Variants in TAF4B observed in about 807,000 individuals in gnomAD.
TAF4B encodes the protein TATA-box binding protein associated factor 4b, also known as transcription initiation factor TFIID subunit 4B.
Under a neutral mutation model 86.4 loss-of-function variants are expected in TAF4B, and 38 were observed. That is an observed-to-expected ratio of 0.44 (90% CI 0.34 to 0.58). TAF4B has a LOEUF of 0.58. Among genes scored for constraint, TAF4B ranks in the 20% least tolerant of loss-of-function variants. TAF4B has a pLI of 0.02. For missense variants in TAF4B, 988 were observed against 1,027.6 expected, an observed-to-expected ratio of 0.96 and a Z score of 0.53; for synonymous variants, 388 against 391.2, an observed-to-expected ratio of 0.99 and a Z score of 0.10.
At chr18:26,240,460 C>T (rs1290994883) in intron 1 of TAF4B, among the ~76,000 whole-genome samples, 1 of 152,180 alleles carries the variant, frequency 6.6e-6, no homozygotes, top group Admixed American at 6.5e-5. Flanking sequence ...GCTGAAGTTG[C>T]TTGTCAGCTT....
chr18:26,355,785 A>C (rs1424020037), intron 13 of TAF4B, among the ~76,000 whole-genome samples: 1 of 152,206 alleles, frequency 6.6e-6, no homozygotes, highest in Non-Finnish European at 1.5e-5. Context: ...TGCAGGGTAG[A>C]TTAACTAAAA....
intron 13 of TAF4B, 56 bp downstream of exon 13, chr18:26,335,287 C>G: frequency 1.4e-6 from 2 of 1,478,766 alleles, no homozygotes; most frequent in Non-Finnish European, 9.4e-7. Context: ...GTTGGCAGCT[C>G]TCTCCTGGCA....
intron 7 of TAF4B, among the ~76,000 whole-genome samples, chr18:26,291,889 CATT>C (rs1369765949): frequency 6.6e-6 from 1 of 151,790 alleles, no homozygotes; most frequent in African/African-American, 2.4e-5. Flanking sequence ...AAGAATTAAT[CATT>C]GTTGAAGCTG....
chr18:26,232,252 C>G (rs886911367), intron 1 of TAF4B, among the ~76,000 whole-genome samples: 61 of 152,148 alleles, frequency 4.0e-4, no homozygotes, highest in African/African-American at 1.4e-3. Context: ...GACACCCCAG[C>G]TGCTGTTGGG....
intron 1 of TAF4B, among the ~76,000 whole-genome samples, chr18:26,228,820 GGTAA>G (rs774896844): frequency 1.3e-5 from 2 of 152,088 alleles, no homozygotes; most frequent in African/African-American, 4.8e-5. Context: ...AAAATTTGCT[GGTAA>G]GTGAGAGTGA....
intron 1 of TAF4B, among the ~76,000 whole-genome samples, chr18:26,240,522 A>T (rs1210539068): frequency 6.6e-6 from 1 of 152,198 alleles, no homozygotes; most frequent in Admixed American, 6.5e-5. Flanking sequence ...CAATCATGTC[A>T]TCTGCAAACA....
intron 9 of TAF4B, among the ~76,000 whole-genome samples, chr18:26,314,941 T>A (rs2144663835): frequency 6.6e-6 from 1 of 152,290 alleles, no homozygotes; most frequent in Middle Eastern, 3.4e-3. Flanking sequence ...TTCATCCTTC[T>A]GTTATTAAAT....
intron 1 of TAF4B, among the ~76,000 whole-genome samples, chr18:26,247,925 G>A (rs558606305): frequency 1.3e-5 from 2 of 149,344 alleles, no homozygotes; most frequent in South Asian, 4.4e-4. Context: ...ACCCAGGCTG[G>A]AATGCATTAG....
At chr18:26,299,433 G>C (rs1193904948) in intron 9 of TAF4B, among the ~76,000 whole-genome samples, 1 of 152,012 alleles carries the variant, frequency 6.6e-6, no homozygotes, top group Non-Finnish European at 1.5e-5. Context: ...ATTGATTAAT[G>C]TTTTGTAAGG....
intron 5 of TAF4B, among the ~76,000 whole-genome samples, chr18:26,275,427 A>G (rs1484273277): frequency 6.6e-6 from 1 of 152,178 alleles, no homozygotes; most frequent in Non-Finnish European, 1.5e-5. Flanking sequence ...AAGCGTTGGG[A>G]TTACAGGCGT....
chr18:26,333,965 T>C (rs1182044708), intron 12 of TAF4B, among the ~76,000 whole-genome samples: 1 of 152,084 alleles, frequency 6.6e-6, no homozygotes, highest in African/African-American at 2.4e-5. Flanking sequence ...TACTGAAATG[T>C]GCCCATTTTA....
chr18:26,342,023 C>T (rs1222051530), intron 13 of TAF4B, among the ~76,000 whole-genome samples: 2 of 151,936 alleles, frequency 1.3e-5, no homozygotes, highest in Non-Finnish European at 2.9e-5. Flanking sequence ...AGAGTTTGAT[C>T]CATGAAATTT....
At chr18:26,270,951 T>C (rs914103267) in intron 3 of TAF4B, among the ~76,000 whole-genome samples, 4 of 152,248 alleles carry the variant, frequency 2.6e-5, no homozygotes, top group Non-Finnish European at 4.4e-5. Flanking sequence ...TAATCTGTCA[T>C]TGATATTTTT....
intron 13 of TAF4B, among the ~76,000 whole-genome samples, chr18:26,340,222 T>C (rs766118240): frequency 9.9e-5 from 15 of 152,192 alleles, no homozygotes; most frequent in Non-Finnish European, 1.9e-4. Context: ...ATCATAAGGC[T>C]CATTACTGAT....
chr18:26,388,555 A>G (rs1270960636), intron 14 of TAF4B, among the ~76,000 whole-genome samples: 1 of 152,216 alleles, frequency 6.6e-6, no homozygotes, highest in Non-Finnish European at 1.5e-5. Context: ...TAATTGCCAC[A>G]GTGAGATTTC....
chr18:26,315,582 A>G (rs2056903128), intron 10 of TAF4B, among the ~76,000 whole-genome samples, 184 bp downstream of exon 10: 1 of 152,132 alleles, frequency 6.6e-6, no homozygotes, highest in African/African-American at 2.4e-5. Flanking sequence ...TTAATATAAC[A>G]TGGTATTGGG....
intron 6 of TAF4B, 150 bp from the exon 7 acceptor site, chr18:26,285,732 G>C: frequency 2.2e-6 from 2 of 905,778 alleles, no homozygotes; most frequent in Middle Eastern, 2.7e-4. Context: ...ATATTGGCAG[G>C]ATATAAGTAA....
At chr18:26,257,159 T>C (rs569907991) in intron 1 of TAF4B, among the ~76,000 whole-genome samples, 20 of 152,340 alleles carry the variant, frequency 1.3e-4, no homozygotes, top group African/African-American at 4.6e-4. Context: ...TCTGTTTAGT[T>C]CTATTCTTCA....
intron 9 of TAF4B, among the ~76,000 whole-genome samples, chr18:26,310,948 CTTTT>C (rs1025080142): frequency 2.6e-4 from 39 of 150,208 alleles, no homozygotes; most frequent in African/African-American, 9.0e-4. Context: ...TAATGTTTTG[CTTTT>C]TTTGTTTTTT....
Sources: gnomAD v4.1 joint callset for allele counts (sites outside exome capture counted in the v4.1 genomes callset) on GRCh38, gnomAD v4.1.1 for gene constraint, MANE v1.5 for transcripts, NCBI Gene and HGNC (gene_info 2026-07-23, HGNC 2026-07-21) for gene names.